Variants in GLIS3 observed in about 807,000 individuals in gnomAD.
GLIS3 encodes zinc finger protein GLIS3.
In GLIS3, 53 loss-of-function variants were observed where a neutral mutation model predicts 78.6. The ratio of observed to expected loss-of-function variants is 0.67; its 90% CI spans 0.54 to 0.85. The LOEUF is 0.85. Ranked by LOEUF, GLIS3 falls within the 40% of genes least tolerant of loss-of-function variation. The probability of loss-of-function intolerance (pLI) is 0.00; values close to 1 mark genes in which losing one functional copy is unlikely to be tolerated. For missense variants in GLIS3, 1,703 were observed against 1,231.1 expected (o/e 1.38, Z -5.74); for synonymous variants, 684 against 509.9 (o/e 1.34, Z -4.60).
intron 2 of GLIS3, among the ~76,000 whole-genome samples, chr9:4,281,815 A>T (rs1469430425): frequency 6.6e-6 from 1 of 152,190 alleles, no homozygotes; most frequent in Non-Finnish European, 1.5e-5. Flanking sequence ...TTACTGTTAA[A>T]ACTGTCAACC....
chr9:3,833,293 C>T (rs912488586), intron 9 of GLIS3, among the ~76,000 whole-genome samples: 5 of 152,178 alleles, frequency 3.3e-5, no homozygotes, highest in African/African-American at 1.2e-4. Flanking sequence ...ATGCCAAATA[C>T]ACTGGTGTGG....
At chr9:4,059,829 TGAGAGAGAGAGA>T (rs1004608610) in intron 4 of GLIS3, among the ~76,000 whole-genome samples, 53 of 100,710 alleles carry the variant, frequency 5.3e-4, no homozygotes, top group Middle Eastern at 6.3e-3. Context: ...TGTGTGTGTG[TGAGAGAGAGAGA>T]GAGAGAGAGA....
At chr9:4,224,732 T>TA (rs1337111394) in intron 2 of GLIS3, among the ~76,000 whole-genome samples, 3 of 151,770 alleles carry the variant, frequency 2.0e-5, no homozygotes, top group South Asian at 4.2e-4. Context: ...TTTTTTTTTT[T>TA]TTATTTCTAT....
chr9:3,949,057 T>C (rs536944699), intron 4 of GLIS3, among the ~76,000 whole-genome samples: 137 of 152,332 alleles, frequency 9.0e-4, no homozygotes, highest in Non-Finnish European at 1.6e-3. Context: ...TCATGGCCTT[T>C]TGGCTCAGTT....
chr9:4,198,729 C>T (rs962973555), intron 2 of GLIS3, among the ~76,000 whole-genome samples: 1 of 152,164 alleles, frequency 6.6e-6, no homozygotes, highest in South Asian at 2.1e-4. Flanking sequence ...TGAGATGCTA[C>T]ACAAAATGAA....
chr9:4,170,600 G>C (rs1325664276), intron 2 of GLIS3, among the ~76,000 whole-genome samples: 1 of 152,122 alleles, frequency 6.6e-6, no homozygotes, highest in Admixed American at 6.5e-5. Context: ...TCAAGCATGT[G>C]TTCAGTCAAC....
intron 6 of GLIS3, among the ~76,000 whole-genome samples, chr9:3,928,269 A>C (rs1044817775): frequency 6.6e-6 from 1 of 152,148 alleles, no homozygotes; most frequent in South Asian, 2.1e-4. Context: ...AGTATGACTG[A>C]TTTTTAATTT....
chr9:4,000,564 C>G (rs1240582770), intron 4 of GLIS3, among the ~76,000 whole-genome samples: 1 of 152,110 alleles, frequency 6.6e-6, no homozygotes, highest in African/African-American at 2.4e-5. Context: ...TAGAAAATAT[C>G]TACACCCAAA....
At chr9:4,065,798 G>T (rs949803456) in intron 4 of GLIS3, among the ~76,000 whole-genome samples, 1 of 152,040 alleles carries the variant, frequency 6.6e-6, no homozygotes, top group Non-Finnish European at 1.5e-5. Context: ...AAATTACATG[G>T]TTAAAGCATA....
the GLIS3 span, among the ~76,000 whole-genome samples, chr9:4,418,985 C>T: frequency 5.3e-5 from 8 of 152,212 alleles, no homozygotes; most frequent in African/African-American, 1.9e-4. Flanking sequence ...TGGTGGAAAC[C>T]GAATTGCTGA....
intron 2 of GLIS3, among the ~76,000 whole-genome samples, chr9:4,141,748 G>T (rs1015113561): frequency 2.6e-5 from 4 of 152,100 alleles, no homozygotes; most frequent in Admixed American, 6.5e-5. Flanking sequence ...CTACCTTTTG[G>T]CTCAGAAAAT....
chr9:3,923,144 C>G (rs1327674053), intron 6 of GLIS3, among the ~76,000 whole-genome samples: 1 of 152,152 alleles, frequency 6.6e-6, no homozygotes, highest in Non-Finnish European at 1.5e-5. Context: ...TGGAAATATG[C>G]CAACCAAACT....
chr9:4,370,950 G>A, the GLIS3 span, among the ~76,000 whole-genome samples: 1 of 151,994 alleles, frequency 6.6e-6, no homozygotes, highest in African/African-American at 2.4e-5. Flanking sequence ...TCCTATTTTT[G>A]TAAATTAAGA....
chr9:4,143,185 T>C (rs943654893), intron 2 of GLIS3, among the ~76,000 whole-genome samples: 10 of 152,092 alleles, frequency 6.6e-5, no homozygotes, highest in Non-Finnish European at 1.0e-4. Flanking sequence ...CCACAATCCA[T>C]AGTTAACATA....
intron 2 of GLIS3, among the ~76,000 whole-genome samples, chr9:4,162,282 T>C (rs1236910863): frequency 1.3e-5 from 2 of 152,200 alleles, no homozygotes; most frequent in Non-Finnish European, 2.9e-5. Flanking sequence ...CTCATTTTTT[T>C]AACTTGATTA....
At chr9:3,920,332 C>T (rs1446322012) in intron 6 of GLIS3, among the ~76,000 whole-genome samples, 1 of 152,116 alleles carries the variant, frequency 6.6e-6, no homozygotes, top group African/African-American at 2.4e-5. Context: ...ATCAAATCAC[C>T]CTTTCTTGCT....
At chr9:4,214,680 G>A (rs1163140378) in intron 2 of GLIS3, among the ~76,000 whole-genome samples, 2 of 152,108 alleles carry the variant, frequency 1.3e-5, no homozygotes, top group East Asian at 1.9e-4. Context: ...AAGTCTCTAA[G>A]GACGCTGTAT....
At chr9:3,985,365 C>T (rs1214960763) in intron 4 of GLIS3, among the ~76,000 whole-genome samples, 3 of 152,174 alleles carry the variant, frequency 2.0e-5, no homozygotes, top group Non-Finnish European at 4.4e-5. Flanking sequence ...CCAGGCTGGT[C>T]TCAAACTCCT....
At chr9:4,263,594 T>G (rs1465790976) in intron 2 of GLIS3, among the ~76,000 whole-genome samples, 2 of 152,192 alleles carry the variant, frequency 1.3e-5, no homozygotes, top group East Asian at 3.9e-4. Flanking sequence ...TTTTAAAGTT[T>G]CTGTCATTTT....
Sources: gnomAD v4.1 joint callset for allele counts (sites outside exome capture counted in the v4.1 genomes callset) on GRCh38, gnomAD v4.1.1 for gene constraint, MANE v1.5 for transcripts, NCBI Gene and HGNC (gene_info 2026-07-23, HGNC 2026-07-21) for gene names.